The following MTMR14 variants were observed in gnomAD, a reference collection of about 807,000 sequenced individuals.
The protein encoded by MTMR14 is myotubularin related protein 14, also known as phosphatidylinositol-3,5-bisphosphate 3-phosphatase MTMR14.
MTMR14 carries 48 observed loss-of-function variants against 86.3 expected under a neutral mutation model. The observed-to-expected ratio is 0.56, with a 90% CI of 0.44 to 0.71. The LOEUF (loss-of-function observed/expected upper bound fraction) is 0.71. Among genes scored for constraint, MTMR14 ranks in the 30% least tolerant of loss-of-function variants. The probability of loss-of-function intolerance (pLI) is 0.00; values close to 1 mark genes in which losing one functional copy is unlikely to be tolerated. For synonymous variants in MTMR14, 366 were observed against 326.1 expected (o/e 1.12, Z -1.32); for missense variants, 780 against 834.6 (o/e 0.93, Z 0.81).
chr3:9,693,912 TG>T (rs2076208997), intron 17 of MTMR14, among the ~76,000 whole-genome samples: 1 of 152,232 alleles, frequency 6.6e-6, no homozygotes, highest in Admixed American at 6.5e-5. Context: ...AGGTGCAGCC[TG>T]ATCAAGGTTC....
rs150661840 is a variant in MTMR14 at position 9,649,649 on chromosome 3, G to T, written c.66G>T (p.Gln22His). The change falls in exon 1 of 19, where the codon CAG (glutamine) becomes CAT (histidine). Residue 22 changes from glutamine to histidine, a missense_variant. Transcript: ENST00000296003. ...GGTCCTCGGCCTCTTCAGGCAACCA[G>T]CCGCCTCAGGAGCTGGGGCTTGGGG... ...SAGSSASSGN[Q>H]PPQELGLGEL... is the part of the protein sequence containing the mutation. The T allele has an allele frequency of 1.3e-6, 2 of 1,583,036 alleles. No individual in the cohort carries two copies. The highest frequency in any genetic ancestry group is 1.1e-5 in the South Asian group (1 of 87,106).
chr3:9,684,049 A>G (rs1344429427), intron 10 of MTMR14, among the ~76,000 whole-genome samples: 1 of 152,130 alleles, frequency 6.6e-6, no homozygotes, highest in Non-Finnish European at 1.5e-5. Context: ...CAGCCCCTGG[A>G]GCCAGGCACT....
At chr3:9,695,394 CCA>C (rs956055077) in intron 17 of MTMR14, among the ~76,000 whole-genome samples, 4 of 152,120 alleles carry the variant, frequency 2.6e-5, no homozygotes, top group Non-Finnish European at 5.9e-5. Flanking sequence ...TTGAAAAATC[CCA>C]GAGTCTGCAG....
At position 9,677,319 on chromosome 3, in the gene MTMR14, T is replaced by C; in HGVS notation, c.754T>C (p.Cys252Arg). 6.2e-7 allele frequency: 1 copy of C among 1,614,016 alleles called. No homozygotes were observed. Among genetic ancestry groups the C allele is most frequent in the Non-Finnish European group, 8.5e-7 (1 of 1,179,888 alleles). ...ATAACTCTGCCCTTCTTTTCCAGGC[T>C]GTGAATTTTTCAAGGAATATAAAGA... ...FTLLSIPYPG[C>R]EFFKEYKDRD... Residue 252 changes from cysteine (C) to arginine (R), a missense_variant and splice_region_variant, in exon 8 of 19, where the codon TGT becomes CGT. Physicochemically the swap from Cys to Arg is radical, Grantham distance 180 (BLOSUM62 -3). Coordinates refer to ENST00000296003, the MANE Select transcript of MTMR14 (RefSeq NM_001077525.3). The surrounding 1 kb of genome is among the most constrained non-coding windows in gnomAD (Gnocchi z 4.2).
At chr3:9,651,866 C>CGT (rs2047317154) in intron 1 of MTMR14, among the ~76,000 whole-genome samples, 1 of 150,766 alleles carries the variant, frequency 6.6e-6, no homozygotes, top group South Asian at 2.1e-4. Context: ...GCGTCTCACT[C>CGT]TGTCGCCCAG....
rs1375058102 is a variant in MTMR14, at chr3:9,701,772, C to G, written c.1770-18C>G. 6.2e-7 allele frequency: 1 copy of G among 1,613,194 alleles called. No homozygotes were observed. Among genetic ancestry groups the G allele is most frequent in the Non-Finnish European group, 8.5e-7 (1 of 1,180,036 alleles). ...TCCCAGGGTAATGTCTTTGTTCTTT[C>G]TCTTGACCTCCCCATAGGCTTGCAG... is the stretch of plus-strand genomic sequence containing the variant. On this transcript the variant is annotated intron_variant, in intron 18 of 18. Transcript: ENST00000296003. This position sits in a 1 kb window ranked among gnomAD's most constrained non-coding sequence, Gnocchi z 4.2.
chr3:9,683,043 A>G, intron 9 of MTMR14, 135 bp from the exon 10 acceptor site: 1 of 610,222 alleles, frequency 1.6e-6, no homozygotes, highest in South Asian at 1.8e-5. Flanking sequence ...ATTATCTGGG[A>G]TTCAAAACCT....
intron 9 of MTMR14, among the ~76,000 whole-genome samples, chr3:9,682,672 A>T (rs2075806456): frequency 6.6e-6 from 1 of 152,278 alleles, no homozygotes; most frequent in Non-Finnish European, 1.5e-5. Flanking sequence ...TGCAGTAAAT[A>T]GCACTAAAAA....
At position 9,687,841 on chromosome 3, in the gene MTMR14, T is replaced by G; in HGVS notation, c.1185T>G (p.Asn395Lys). 6.3e-7 allele frequency: 1 copy of G among 1,582,110 alleles called. No individual in the cohort carries two copies. Among genetic ancestry groups the G allele is most frequent in the Non-Finnish European group, 8.6e-7 (1 of 1,161,266 alleles). The change falls in exon 14 of 19, where the codon AAT (asparagine) becomes AAG (lysine). Residue 395 changes from asparagine (N) to lysine (K), a missense_variant. Transcript: ENST00000296003. ...KGEEIFFFCF[N>K]FLKHITSEEF... ...TTTAGATTTTCTTCTTCTGCTTCAA[T>G]TTTTTGAAGCATATTACCTCCGAGG...
chr3:9,669,190 G>C lies in MTMR14; in HGVS notation c.494-242G>C, dbSNP rs550695941. ...CCCATGACCACAATAGTATAGGTAG[G>C]GGGTCTGAGTGAGCTGGGTGGAGAT... On this transcript the variant is annotated intron_variant, in intron 4 of 18. Coordinates refer to ENST00000296003, the MANE Select transcript of MTMR14 (RefSeq NM_001077525.3). 5.3e-5 allele frequency among the ~76,000 whole-genome samples: 8 copies of C among 152,178 alleles called. No homozygotes were observed. In the South Asian group the frequency reaches 1.2e-3, roughly 24 times the overall value.
rs760997705 is a variant in MTMR14 at position 9,678,067 on chromosome 3, C to A, written c.897+9C>A. The A allele has an allele frequency of 1.2e-6, 2 of 1,613,656 alleles. No homozygotes were observed. The highest frequency in any genetic ancestry group is 2.7e-5 in the African/African-American group (2 of 74,868). On this transcript the variant is annotated intron_variant, in intron 9 of 18. Coordinates refer to ENST00000296003, the MANE Select transcript of MTMR14 (RefSeq NM_001077525.3). ...ACTGGAGCCAGTATCAGGTGAGGGG[C>A]CTGACTCAAGCATTGAGGGCAGGAT...
chr3:9,696,020 C>T (rs919420200), intron 17 of MTMR14, among the ~76,000 whole-genome samples: 1 of 152,206 alleles, frequency 6.6e-6, no homozygotes, highest in Admixed American at 6.5e-5. Context: ...GACCATATCC[C>T]GTTCTCATCC....
intron 9 of MTMR14, among the ~76,000 whole-genome samples, chr3:9,680,983 C>T (rs1428893026): frequency 6.6e-6 from 1 of 152,226 alleles, no homozygotes; most frequent in Non-Finnish European, 1.5e-5. Flanking sequence ...TCTGATGTCC[C>T]TACAGATCAG....
intron 4 of MTMR14, 112 bp from the exon 5 acceptor site, chr3:9,669,320 C>A: frequency 1.0e-6 from 1 of 997,110 alleles, no homozygotes; most frequent in Non-Finnish European, 1.5e-6. Flanking sequence ...GGAGTAGAGC[C>A]ATGTAGTCCC....
intron 7 of MTMR14, among the ~76,000 whole-genome samples, chr3:9,674,301 A>C (rs2048734750): frequency 6.6e-6 from 1 of 152,220 alleles, no homozygotes; most frequent in African/African-American, 2.4e-5. Flanking sequence ...GGACTCCCAA[A>C]ATGTTATCAC....
At chr3:9,663,565 G>C (rs1455932252) in intron 3 of MTMR14, among the ~76,000 whole-genome samples, 1 of 136,764 alleles carries the variant, frequency 7.3e-6, no homozygotes, top group Non-Finnish European at 1.5e-5. Flanking sequence ...CCAGGCTGGA[G>C]TGCAGTGGTG....
chr3:9,682,932 AGC>A (rs1491424594), intron 9 of MTMR14, among the ~76,000 whole-genome samples: 3 of 143,492 alleles, frequency 2.1e-5, no homozygotes, highest in Admixed American at 6.8e-5. Context: ...ATTGGGTCAG[AGC>A]CCCCCCCCCG....
intron 2 of MTMR14, chr3:9,659,595 T>C (rs748833653): frequency 2.5e-6 from 1 of 405,508 alleles, no homozygotes; most frequent in Non-Finnish European, 4.9e-6. Context: ...AGGCGCGTGC[T>C]GCCACGCCTG....
chr3:9,656,099 G>A (rs1165129083), intron 2 of MTMR14, among the ~76,000 whole-genome samples: 1 of 152,042 alleles, frequency 6.6e-6, no homozygotes, highest in Admixed American at 6.5e-5. Context: ...GGAGGCTGAG[G>A]CAGGAGAATC....
Sources: allele counts gnomAD v4.1 joint callset (sites outside exome capture counted in the v4.1 genomes callset), GRCh38; gene constraint gnomAD v4.1.1; non-coding constraint Gnocchi (gnomAD v3.1); transcripts MANE v1.5; gene names NCBI Gene and HGNC (gene_info 2026-07-23, HGNC 2026-07-21).